ATRNL1: variants seen among roughly 807,000 people sequenced by gnomAD.
The protein encoded by ATRNL1 is attractin-like protein 1.
Under a neutral mutation model 182.7 loss-of-function variants are expected in ATRNL1, and 95 were observed. The ratio of observed to expected loss-of-function variants is 0.52; its 90% CI spans 0.44 to 0.62. The LOEUF (loss-of-function observed/expected upper bound fraction) is 0.62. Among genes scored for constraint, ATRNL1 ranks in the 20% least tolerant of loss-of-function variants. The pLI is 0.00. For synonymous variants in ATRNL1, 576 were observed against 568.3 expected, an observed-to-expected ratio of 1.01 and a Z score of -0.19; for missense variants, 1,471 against 1,679.5, an observed-to-expected ratio of 0.88 and a Z score of 2.17.
At chr10:115,572,439 A>T (rs1555003769) in intron 26 of ATRNL1, among the ~76,000 whole-genome samples, 5 of 152,168 alleles carry the variant, frequency 3.3e-5, no homozygotes, top group Non-Finnish European at 7.3e-5. Context: ...GTGGGGAAAA[A>T]AAAAGACTAA....
At chr10:115,323,839 G>A (rs1335700331) in intron 18 of ATRNL1, among the ~76,000 whole-genome samples, 5 of 151,496 alleles carry the variant, frequency 3.3e-5, no homozygotes, top group East Asian at 3.9e-4. Context: ...GTGCAGTGGC[G>A]CGATCTCGGC....
In ATRNL1 at chr10:115,774,528, A is replaced by G. The variant is rs939648817; in HGVS notation, c.3903+47173A>G. 3.9e-5 allele frequency among the ~76,000 whole-genome samples: 6 copies of G among 152,132 alleles called. No individual in the cohort carries two copies. The South Asian group carries it at 6.2e-4, about 16-fold the overall frequency. ...CCCAGATAATAGGGAAATTAAGCCT[A>G]TAAGAGTCTTGATCACCTAAGCTAT... On this transcript the variant is annotated intron_variant, in intron 27 of 28. Coordinates refer to ENST00000355044, the MANE Select transcript of ATRNL1 (RefSeq NM_207303.4).
chr10:115,765,380 A>T (rs941343728), intron 27 of ATRNL1, among the ~76,000 whole-genome samples: 1 of 152,176 alleles, frequency 6.6e-6, no homozygotes, highest in Admixed American at 6.5e-5. Flanking sequence ...GTGAAATAGT[A>T]TCTCATTGCT....
intron 26 of ATRNL1, among the ~76,000 whole-genome samples, chr10:115,576,366 A>G (rs1854708493): frequency 6.6e-6 from 1 of 152,066 alleles, no homozygotes; most frequent in Non-Finnish European, 1.5e-5. Context: ...AATAGTGTAC[A>G]GGGTTCACTT....
chr10:115,573,100 TG>T (rs1555003949), intron 26 of ATRNL1, among the ~76,000 whole-genome samples: 1 of 152,208 alleles, frequency 6.6e-6, no homozygotes, highest in African/African-American at 2.4e-5. Flanking sequence ...GACAGATTTC[TG>T]TATCCTAAGC....
chr10:115,854,624 T>G (rs367602103), intron 28 of ATRNL1, among the ~76,000 whole-genome samples: 1 of 152,192 alleles, frequency 6.6e-6, no homozygotes, highest in Non-Finnish European at 1.5e-5. Context: ...AGATGTAAAG[T>G]GAGCCGTCCT....
intron 26 of ATRNL1, among the ~76,000 whole-genome samples, chr10:115,602,026 C>G (rs888650205): frequency 8.0e-5 from 12 of 150,670 alleles, no homozygotes; most frequent in African/African-American, 2.7e-4. Context: ...TTGACAATGG[C>G]TCTAGAGTTT....
In ATRNL1 at chr10:115,326,170, T is replaced by C. The variant is rs149736323; in HGVS notation, c.3038-8112T>C. On this transcript the variant is annotated intron_variant, in intron 18 of 28. Transcript: ENST00000355044. ...TCCCTGTTTGCAGATGACATGATTG[T>C]ATATCGAGAAAACCCTATTGTCTCA... 3.3e-5 allele frequency among the ~76,000 whole-genome samples: 5 copies of C among 152,286 alleles called. No homozygotes were observed. The South Asian group carries it at 8.3e-4, about 25-fold the overall frequency.
intron 7 of ATRNL1, among the ~76,000 whole-genome samples, chr10:115,168,570 T>A (rs1414204429): frequency 1.3e-5 from 2 of 152,266 alleles, no homozygotes; most frequent in East Asian, 1.9e-4. Flanking sequence ...ACTAATGATG[T>A]TGAGCATCTT....
intron 27 of ATRNL1, among the ~76,000 whole-genome samples, chr10:115,815,596 T>A (rs1276312953): frequency 1.3e-5 from 2 of 152,152 alleles, no homozygotes; most frequent in Non-Finnish European, 2.9e-5. Flanking sequence ...TTTAGGTCAA[T>A]GTTAGTGGAC....
At chr10:115,482,220 C>A (rs1479753589) in intron 24 of ATRNL1, among the ~76,000 whole-genome samples, 2 of 150,950 alleles carry the variant, frequency 1.3e-5, no homozygotes, top group African/African-American at 4.8e-5. Context: ...TGAATTAATG[C>A]AGAATAGAGG....
At position 115,171,288 on chromosome 10, in the gene ATRNL1, T is replaced by C. The variant is rs782047434; in HGVS notation, c.1344T>C (p.His448=). 4 of 1,555,880 alleles carry C rather than the reference T, an allele frequency of 2.6e-6. No homozygotes were observed. The African/African-American group carries it at 4.1e-5, about 16-fold the overall frequency. The change falls in exon 8 of 29, where the codon CAT becomes CAC. Residue 448 remains histidine (H), a synonymous_variant. Coordinates refer to ENST00000355044, the MANE Select transcript of ATRNL1 (RefSeq NM_207303.4). ...ATACAAGCAGCATACAGGAATACCATATCTGTGAGTTACTTAAAAATTGTA... is the reference window on the plus strand; with the variant it reads ...ATACAAGCAGCATACAGGAATACCACATCTGTGAGTTACTTAAAAATTGTA... ...YGYTSSIQEY[H]ISSNTWLVPE...
In ATRNL1 at chr10:115,740,494, C is replaced by CCTATCTAT. The variant is rs35903471; in HGVS notation, c.3903+13152_3903+13159dup. Among the ~76,000 whole-genome samples the CCTATCTAT allele has an allele frequency of 8.9e-3, 1,340 of 150,730 alleles. 14 individuals are homozygous for CCTATCTAT. Among genetic ancestry groups the CCTATCTAT allele is most frequent in the East Asian group, 0.02 (100 of 5,042 alleles). On this transcript the variant is annotated intron_variant, in intron 27 of 28. Coordinates refer to ENST00000355044, the MANE Select transcript of ATRNL1 (RefSeq NM_207303.4). ...AGGCCAGGCTGAGCAATATCAAGAT[C>CCTATCTAT]CTATCTATCTATCTATCTATTTTGT...
chr10:115,921,458 C>A (rs180762494), intron 28 of ATRNL1, among the ~76,000 whole-genome samples: 15 of 152,246 alleles, frequency 9.9e-5, no homozygotes, highest in Admixed American at 9.2e-4. Flanking sequence ...GAAGAAAACT[C>A]TAGGAATTAG....
intron 19 of ATRNL1, among the ~76,000 whole-genome samples, chr10:115,336,031 C>A (rs992496172): frequency 3.3e-5 from 5 of 152,120 alleles, no homozygotes; most frequent in African/African-American, 1.2e-4. Flanking sequence ...TTTTTTATAT[C>A]CTAGGCACCG....
At chr10:115,156,428 C>T (rs1846520409) in intron 5 of ATRNL1, among the ~76,000 whole-genome samples, 1 of 152,010 alleles carries the variant, frequency 6.6e-6, no homozygotes, top group Non-Finnish European at 1.5e-5. Context: ...TGAGATGACC[C>T]TCTATAGATA....
chr10:115,941,156 C>A (rs1421146408), intron 28 of ATRNL1, among the ~76,000 whole-genome samples: 1 of 152,190 alleles, frequency 6.6e-6, no homozygotes, highest in African/African-American at 2.4e-5. Flanking sequence ...TCTACATACA[C>A]ATTGCCATTT....
chr10:115,207,971 T>G (rs1462660833), intron 8 of ATRNL1, among the ~76,000 whole-genome samples: 1 of 152,118 alleles, frequency 6.6e-6, no homozygotes, highest in Non-Finnish European at 1.5e-5. Flanking sequence ...TCTCAAACTC[T>G]TATCACTCTG....
intron 24 of ATRNL1, among the ~76,000 whole-genome samples, chr10:115,480,171 A>G (rs542894290): frequency 6.6e-6 from 1 of 150,630 alleles, no homozygotes; most frequent in East Asian, 2.0e-4. Context: ...TTTTATCACA[A>G]ATAAATTAGC....
Sources: gnomAD v4.1 joint callset for allele counts (sites outside exome capture counted in the v4.1 genomes callset) on GRCh38, gnomAD v4.1.1 for gene constraint, MANE v1.5 for transcripts, NCBI Gene and HGNC (gene_info 2026-07-23, HGNC 2026-07-21) for gene names.